The following PTK2 variants were observed in gnomAD, a reference collection of about 807,000 sequenced individuals.
PTK2 encodes the protein protein tyrosine kinase 2.
In PTK2, 45 loss-of-function variants were observed where a neutral mutation model predicts 150.1. The ratio of observed to expected loss-of-function variants is 0.30; its 90% confidence interval spans 0.24 to 0.38. The LOEUF is 0.38. PTK2 is among the 10% of genes least tolerant of loss of function. PTK2 has a pLI of 1.00. For missense variants in PTK2, 919 were observed against 1,307.3 expected, an observed-to-expected ratio of 0.70 and a Z score of 4.58; for synonymous variants, 432 against 449.2, an observed-to-expected ratio of 0.96 and a Z score of 0.48.
intron 4 of PTK2, 124 bp from the exon 5 acceptor site, chr8:140,864,523 TATC>T (rs750614752): frequency 2.8e-5 from 14 of 498,522 alleles, no homozygotes; most frequent in Non-Finnish European, 4.6e-5. Flanking sequence ...AAATAAAAGC[TATC>T]ATCAATTAAT....
intron 3 of PTK2, among the ~76,000 whole-genome samples, chr8:140,881,454 C>T (rs1600346363): frequency 1.3e-5 from 2 of 152,310 alleles, no homozygotes; most frequent in Admixed American, 6.5e-5. Flanking sequence ...CAGATCAACA[C>T]CCAGTACGCA....
intron 5 of PTK2, among the ~76,000 whole-genome samples, chr8:140,859,469 T>C (rs2100134776): frequency 6.6e-6 from 1 of 152,204 alleles, no homozygotes; most frequent in South Asian, 2.1e-4. Context: ...CATCAAATTC[T>C]GAGCCCCATA....
At chr8:140,864,725 C>A (rs973641520) in intron 4 of PTK2, among the ~76,000 whole-genome samples, 1 of 152,134 alleles carries the variant, frequency 6.6e-6, no homozygotes, top group African/African-American at 2.4e-5. Flanking sequence ...CGACTTCCCA[C>A]GTCTAAATTT....
intron 26 of PTK2, among the ~76,000 whole-genome samples, chr8:140,693,458 G>A (rs1423489898): frequency 6.6e-6 from 1 of 151,586 alleles, no homozygotes; most frequent in Non-Finnish European, 1.5e-5. Context: ...TCTGGAAGGA[G>A]GCTGAGGCAG....
intron 26 of PTK2, among the ~76,000 whole-genome samples, chr8:140,699,381 T>C (rs745899311): frequency 5.3e-5 from 8 of 152,156 alleles, no homozygotes; most frequent in Non-Finnish European, 7.4e-5. Context: ...GCTGAGGGCA[T>C]AGAACTGCTT....
chr8:140,795,974 C>A (rs982154154), intron 12 of PTK2, among the ~76,000 whole-genome samples: 1 of 152,192 alleles, frequency 6.6e-6, no homozygotes, highest in African/African-American at 2.4e-5. Context: ...TTGCATTGAG[C>A]GGCATCCTCT....
chr8:140,657,928 C>G (rs1411194027), exon 32 of PTK2: 2 of 152,164 alleles, frequency 1.3e-5, no homozygotes, highest in Non-Finnish European at 2.9e-5. Flanking sequence ...CATGTATTTA[C>G]CTGGAAAAAA....
At chr8:140,776,379 A>G (rs1322133725) in intron 14 of PTK2, among the ~76,000 whole-genome samples, 1 of 152,184 alleles carries the variant, frequency 6.6e-6, no homozygotes, top group Admixed American at 6.5e-5. Context: ...TTACAAATCC[A>G]CTTGTAATTG....
At chr8:140,840,048 G>A (rs2100121365) in intron 7 of PTK2, among the ~76,000 whole-genome samples, 1 of 152,114 alleles carries the variant, frequency 6.6e-6, no homozygotes, top group South Asian at 2.1e-4. Flanking sequence ...ATACCAGAAG[G>A]GTGGTCTGAG....
At chr8:140,696,633 C>T (rs1172616680) in intron 26 of PTK2, among the ~76,000 whole-genome samples, 1 of 151,908 alleles carries the variant, frequency 6.6e-6, no homozygotes, top group Non-Finnish European at 1.5e-5. Flanking sequence ...TCTTTAAAGA[C>T]AAAAAGGTGT....
intron 27 of PTK2, among the ~76,000 whole-genome samples, chr8:140,686,131 A>G (rs1324344594): frequency 6.6e-6 from 1 of 152,208 alleles, no homozygotes; most frequent in African/African-American, 2.4e-5. Flanking sequence ...AAGTGAACTA[A>G]TGCAGGAACA....
chr8:140,764,494 A>G, intron 14 of PTK2: 1 of 550,436 alleles, frequency 1.8e-6, no homozygotes, highest in Non-Finnish European at 3.2e-6. Context: ...TATAATACAC[A>G]GACTTGTTTA....
intron 1 of PTK2, among the ~76,000 whole-genome samples, chr8:140,939,760 G>T (rs2100174995): frequency 6.6e-6 from 1 of 152,192 alleles, no homozygotes; most frequent in South Asian, 2.1e-4. Context: ...TTTCGCAAAA[G>T]GCTTATACAA....
At chr8:140,864,486 T>C (rs2100138113) in intron 4 of PTK2, 87 bp from the exon 5 acceptor site, 1 of 630,004 alleles carries the variant, frequency 1.6e-6, no homozygotes, top group Non-Finnish European at 2.7e-6. Context: ...GAGTATAGCA[T>C]TCCTAATTAC....
At chr8:140,882,874 A>G (rs2100149989) in intron 3 of PTK2, among the ~76,000 whole-genome samples, 1 of 152,212 alleles carries the variant, frequency 6.6e-6, no homozygotes, top group Admixed American at 6.5e-5. Context: ...CAACAAAACT[A>G]TACCAATTAT....
chr8:140,791,117 G>A (rs1273311883), intron 13 of PTK2, among the ~76,000 whole-genome samples: 1 of 152,190 alleles, frequency 6.6e-6, no homozygotes, highest in East Asian at 1.9e-4. Flanking sequence ...CACTTGCAAT[G>A]TACTACCTTC....
intron 4 of PTK2, among the ~76,000 whole-genome samples, chr8:140,868,590 C>T (rs2100140744): frequency 6.6e-6 from 1 of 152,144 alleles, no homozygotes; most frequent in South Asian, 2.1e-4. Flanking sequence ...GTTAGAACCA[C>T]CTGTAAATTA....
intron 1 of PTK2, among the ~76,000 whole-genome samples, chr8:140,953,701 T>TTG (rs2100180255): frequency 6.6e-6 from 1 of 152,072 alleles, no homozygotes; most frequent in Non-Finnish European, 1.5e-5. Context: ...AACCACAGAC[T>TTG]GGGGGGAGGG....
At chr8:140,761,367 G>A (rs2100069349) in intron 15 of PTK2, 105 bp from the exon 19 acceptor site, 3 of 901,690 alleles carry the variant, frequency 3.3e-6, no homozygotes, top group Middle Eastern at 2.3e-4. Context: ...TTCATCTGTG[G>A]CACATCAATC....
Sources: allele counts gnomAD v4.1 joint callset (sites outside exome capture counted in the v4.1 genomes callset), GRCh38; gene constraint gnomAD v4.1.1; transcripts MANE v1.5; gene names NCBI Gene and HGNC (gene_info 2026-07-23, HGNC 2026-07-21).